SLC47A1: variants seen among roughly 807,000 people sequenced by gnomAD.
SLC47A1 encodes multidrug and toxin extrusion protein 1.
A neutral mutation model predicts 65.8 loss-of-function variants in SLC47A1; 58 were observed. That is an observed-to-expected ratio of 0.88 (90% CI 0.71 to 1.10). SLC47A1 has a LOEUF of 1.10. Among genes scored for constraint, SLC47A1 ranks in the 50% least tolerant of loss-of-function variants. The probability of loss-of-function intolerance (pLI) is 0.00; values close to 1 mark genes in which losing one functional copy is unlikely to be tolerated. For synonymous variants in SLC47A1, 285 were observed against 295.0 expected (o/e 0.97, Z 0.35); for missense variants, 706 against 719.2 (o/e 0.98, Z 0.21).
intron 1 of SLC47A1, among the ~76,000 whole-genome samples, chr17:19,537,115 A>T (rs1357728040): frequency 6.6e-6 from 1 of 152,260 alleles, no homozygotes; most frequent in African/African-American, 2.4e-5. Context: ...AAAAGTTCTG[A>T]AAAGTAACCC....
At chr17:19,541,892 C>G (rs1308886516) in intron 1 of SLC47A1, among the ~76,000 whole-genome samples, 1 of 152,094 alleles carries the variant, frequency 6.6e-6, no homozygotes, top group African/African-American at 2.4e-5. Flanking sequence ...TTTGGGAGGC[C>G]GAGGCAGGCA....
At chr17:19,568,557 T>A (rs2084377026) in intron 14 of SLC47A1, among the ~76,000 whole-genome samples, 1 of 152,216 alleles carries the variant, frequency 6.6e-6, no homozygotes, top group Non-Finnish European at 1.5e-5. Flanking sequence ...CAAATTATAG[T>A]TGTATACATT....
At chr17:19,555,568 C>G (rs1916579110) in intron 7 of SLC47A1, 25 bp from the exon 8 acceptor site, 7 of 1,610,512 alleles carry the variant, frequency 4.3e-6, no homozygotes, top group Non-Finnish European at 5.9e-6. Context: ...AGGTACCTCC[C>G]TCTCATTGGG....
intron 2 of SLC47A1, among the ~76,000 whole-genome samples, chr17:19,544,828 G>T (rs1301509459): frequency 1.3e-5 from 2 of 152,188 alleles, no homozygotes; most frequent in African/African-American, 4.8e-5. Context: ...TCTAGCCTAG[G>T]CTTTTCCCCT....
At position 19,551,422 on chromosome 17, in the gene SLC47A1, A is replaced by T; in HGVS notation, c.499-2A>T. The T allele has an allele frequency of 6.2e-7, 1 of 1,605,192 alleles. No homozygotes were observed. The highest frequency in any genetic ancestry group is 8.5e-7 in the Non-Finnish European group (1 of 1,171,840). The stretch of plus-strand genomic sequence containing the variant: ...ACATTCATCTCTCTTGTTCTCTTGT[A>T]GGCAACCTTTCTTTATATGTTACAA... On this transcript the variant is annotated splice_acceptor_variant, in intron 5 of 16. Coordinates refer to ENST00000270570, the MANE Select transcript of SLC47A1 (RefSeq NM_018242.3). LOFTEE classifies it high-confidence loss of function.
rs575994019 is a variant in SLC47A1, at chr17:19,550,134, G to A, written c.498+457G>A. 8.5e-5 allele frequency among the ~76,000 whole-genome samples: 13 copies of A among 152,120 alleles called. No homozygotes were observed. The East Asian group carries it at 1.5e-3, about 18-fold the overall frequency. ...TGGTTTTTTTGTTTGTTTGTTTGGT[G>A]TTTTTGAGACAGGGTCTCATTCCAT... On this transcript the variant is annotated intron_variant, in intron 5 of 16. Coordinates refer to ENST00000270570, the MANE Select transcript of SLC47A1 (RefSeq NM_018242.3).
At chr17:19,545,105 CTG>C (rs1362439776) in intron 2 of SLC47A1, among the ~76,000 whole-genome samples, 3 of 152,188 alleles carry the variant, frequency 2.0e-5, no homozygotes, top group African/African-American at 7.2e-5. Context: ...GATGAAGAAA[CTG>C]TGTTCTCATG....
At chr17:19,561,480 A>G (rs1455866546) in intron 12 of SLC47A1, among the ~76,000 whole-genome samples, 1 of 151,842 alleles carries the variant, frequency 6.6e-6, no homozygotes, top group African/African-American at 2.4e-5. Flanking sequence ...CGTCTCTACT[A>G]AAAATAGAAA....
At chr17:19,549,791 G>A (rs563247384) in intron 5 of SLC47A1, 114 bp downstream of exon 5, 1 of 1,141,740 alleles carries the variant, frequency 8.8e-7, no homozygotes, top group East Asian at 2.4e-5. Context: ...TATCTGTGGT[G>A]TTGGTGCCTT....
chr17:19,563,984 G>A (rs987824639), intron 12 of SLC47A1, among the ~76,000 whole-genome samples: 19 of 131,062 alleles, frequency 1.4e-4, no homozygotes, highest in Non-Finnish European at 5.1e-5. Context: ...GCGAGACTCC[G>A]TCTCAGACAA....
chr17:19,544,461 G>T (rs1567966485), intron 2 of SLC47A1, among the ~76,000 whole-genome samples: 1 of 152,204 alleles, frequency 6.6e-6, no homozygotes, highest in African/African-American at 2.4e-5. Flanking sequence ...GTTGTCCACA[G>T]GTTCCCTGCT....
At chr17:19,568,878 A>G (rs920232694) in intron 14 of SLC47A1, among the ~76,000 whole-genome samples, 3 of 151,838 alleles carry the variant, frequency 2.0e-5, no homozygotes, top group Non-Finnish European at 4.4e-5. Flanking sequence ...TTAGAAGAGG[A>G]GTCTACTTTA....
chr17:19,545,454 A>G (rs1916261504), intron 2 of SLC47A1, among the ~76,000 whole-genome samples: 1 of 151,300 alleles, frequency 6.6e-6, no homozygotes, highest in South Asian at 2.1e-4. Context: ...GGCCTCCCAA[A>G]GTGCTGGGAT....
At chr17:19,557,977 C>G in intron 10 of SLC47A1, 1 of 219,642 alleles carries the variant, frequency 4.6e-6, no homozygotes, top group South Asian at 5.9e-5. Flanking sequence ...CATATGCTTT[C>G]CAATAGGCTT....
intron 12 of SLC47A1, among the ~76,000 whole-genome samples, chr17:19,561,812 G>A (rs1452677072): frequency 2.6e-5 from 4 of 152,092 alleles, no homozygotes; most frequent in Non-Finnish European, 5.9e-5. Context: ...TTTTTAGTAC[G>A]ATTAATTACA....
intron 12 of SLC47A1, 110 bp downstream of exon 12, chr17:19,560,603 A>C (rs1346215895): frequency 1.8e-6 from 2 of 1,120,744 alleles, no homozygotes; most frequent in Non-Finnish European, 2.7e-6. Context: ...GTTTGAAATC[A>C]TATCAGTAAA....
At position 19,566,829 on chromosome 17, in the gene SLC47A1, T is replaced by C. The variant is rs151214609; in HGVS notation, c.1146T>C (p.Tyr382=). ...INLVAQVVPI[Y]AVSHLFEALA... ...TGGTGGCTCAGGTGGTTCCAATTTA[T>C]GCTGTTTCCCACCTCTTTGAAGCTC... Residue 382 remains tyrosine, a synonymous_variant, in exon 13 of 17, where the codon TAT becomes TAC. Coordinates refer to ENST00000270570, the MANE Select transcript of SLC47A1 (RefSeq NM_018242.3). The C allele has an allele frequency of 3.6e-5, 58 of 1,614,120 alleles. No homozygotes were observed. Among genetic ancestry groups the C allele is most frequent in the Admixed American group, 1.7e-5 (1 of 60,000 alleles).
At chr17:19,574,916 G>A (rs1473248850) in intron 16 of SLC47A1, among the ~76,000 whole-genome samples, 3 of 152,158 alleles carry the variant, frequency 2.0e-5, no homozygotes, top group Admixed American at 6.5e-5. Context: ...GATTACAGGC[G>A]TGAGCCACCA....
Position 19,571,554 on chromosome 17 carries a change from GA to G in SLC47A1, c.1392del (p.Ala465ProfsTer11). ...FLGFIIQLNW[K>X]KACQQAQVHA... ...TAGGCTTTATTATTCAGCTAAATTG[GA>G]AAAAAGCCTGTCAGCAGGTAACTAT... On this transcript the variant is annotated frameshift_variant, in exon 15 of 17. Coordinates refer to ENST00000270570, the MANE Select transcript of SLC47A1 (RefSeq NM_018242.3). LOFTEE classifies it high-confidence loss of function. 1 of 1,613,528 alleles carries G rather than the reference GA, an allele frequency of 6.2e-7. No homozygotes were observed. Among genetic ancestry groups the G allele is most frequent in the Non-Finnish European group, 8.5e-7 (1 of 1,179,756 alleles).
Sources: gnomAD v4.1 joint callset for allele counts (sites outside exome capture counted in the v4.1 genomes callset) on GRCh38, gnomAD v4.1.1 for gene constraint, MANE v1.5 for transcripts, NCBI Gene and HGNC (gene_info 2026-07-23, HGNC 2026-07-21) for gene names.